GRM8: variants seen among roughly 807,000 people sequenced by gnomAD.
GRM8 encodes the protein metabotropic glutamate receptor 8.
Under a neutral mutation model 87.2 loss-of-function variants are expected in GRM8, and 47 were observed. The observed-to-expected ratio is 0.54, with a 90% CI of 0.43 to 0.69. GRM8 has a LOEUF of 0.69. Ranked by LOEUF, GRM8 falls within the 30% of genes least tolerant of loss-of-function variation. The pLI, the probability that GRM8 is intolerant of heterozygous loss-of-function variation, is 0.00. For missense variants in GRM8, 1,019 were observed against 1,139.2 expected, an observed-to-expected ratio of 0.89 and a Z score of 1.52; for synonymous variants, 396 against 404.5, an observed-to-expected ratio of 0.98 and a Z score of 0.25.
rs1436522152 is a variant in GRM8 at position 126,901,778 on chromosome 7, T to C, written c.1156+764A>G. On this transcript the variant is annotated intron_variant, in intron 6 of 10. Transcript: ENST00000339582. ...GCATTTTTGTTAAAATTGACCCTTA[T>C]ATATGTTGTATGTTTTTGATCCTAC... 5.3e-5 allele frequency among the ~76,000 whole-genome samples: 8 copies of C among 152,340 alleles called. No homozygotes were observed. In the East Asian group the frequency reaches 1.2e-3, roughly 22 times the overall value.
intron 7 of GRM8, among the ~76,000 whole-genome samples, chr7:126,693,428 T>C (rs1023941020): frequency 2.0e-5 from 3 of 152,216 alleles, no homozygotes; most frequent in Admixed American, 6.5e-5. Flanking sequence ...CATTCTTCTT[T>C]CAGTGTTTTG....
At chr7:127,226,530 T>A (rs980758742) in intron 2 of GRM8, among the ~76,000 whole-genome samples, 1 of 152,202 alleles carries the variant, frequency 6.6e-6, no homozygotes, top group Admixed American at 6.5e-5. Context: ...GGAAACAATC[T>A]TCCTTACACC....
At position 126,446,102 on chromosome 7, in the gene GRM8, T is replaced by C. The variant is rs939687144; in HGVS notation, c.2677+24A>G. 1.9e-6 allele frequency: 3 copies of C among 1,612,292 alleles called. No homozygotes were observed. The African/African-American group carries it at 4.0e-5, about 22-fold the overall frequency. ...TAGGAAGTGCTCCCGCTCTTGACCA[T>C]CGGAAACTCTACAGATGACTTACTG... On this transcript the variant is annotated intron_variant, in intron 10 of 10. Coordinates refer to ENST00000339582, the MANE Select transcript of GRM8 (RefSeq NM_000845.3).
intron 6 of GRM8, among the ~76,000 whole-genome samples, chr7:126,777,604 C>T (rs1437075157): frequency 6.6e-6 from 1 of 152,082 alleles, no homozygotes; most frequent in Admixed American, 6.6e-5. Context: ...TGTGTTCATG[C>T]ACTTGTGTTA....
At chr7:127,143,413 C>T (rs1828383262) in intron 2 of GRM8, among the ~76,000 whole-genome samples, 1 of 152,162 alleles carries the variant, frequency 6.6e-6, no homozygotes, top group African/African-American at 2.4e-5. Flanking sequence ...TAAGTATTAA[C>T]TAATATCCAG....
chr7:127,146,205 G>GT (rs1441449092), intron 2 of GRM8, among the ~76,000 whole-genome samples: 4 of 151,968 alleles, frequency 2.6e-5, no homozygotes, highest in Non-Finnish European at 5.9e-5. Flanking sequence ...ATATAGATAG[G>GT]TCTCATAGGG....
At chr7:126,818,162 A>G (rs1793967942) in intron 6 of GRM8, among the ~76,000 whole-genome samples, 1 of 151,976 alleles carries the variant, frequency 6.6e-6, no homozygotes, top group African/African-American at 2.4e-5. Context: ...GAAAACTGTG[A>G]CTCTTTAATA....
intron 7 of GRM8, among the ~76,000 whole-genome samples, chr7:126,704,395 T>A (rs1810265315): frequency 6.6e-6 from 1 of 152,156 alleles, no homozygotes; most frequent in Non-Finnish European, 1.5e-5. Flanking sequence ...CTGTGATGAT[T>A]GTGTTAACTG....
intron 2 of GRM8, among the ~76,000 whole-genome samples, chr7:127,155,802 T>C (rs1197300689): frequency 2.0e-5 from 3 of 152,054 alleles, no homozygotes; most frequent in Non-Finnish European, 4.4e-5. Context: ...AGAAAGACAA[T>C]GAAATCAGTC....
chr7:127,184,861 G>A (rs912703359), intron 2 of GRM8, among the ~76,000 whole-genome samples: 2 of 151,924 alleles, frequency 1.3e-5, no homozygotes, highest in African/African-American at 4.8e-5. Context: ...TATTTGAAAT[G>A]AGAGAAAATA....
chr7:126,875,547 C>G (rs1799460763), intron 6 of GRM8, among the ~76,000 whole-genome samples: 1 of 152,176 alleles, frequency 6.6e-6, no homozygotes, highest in South Asian at 2.1e-4. Context: ...TGTTCCCCAT[C>G]ATGGCTAAAT....
In GRM8 at chr7:127,233,384, T is replaced by C. The variant is rs146756210; in HGVS notation, c.510+9311A>G. On this transcript the variant is annotated intron_variant, in intron 2 of 10. Transcript: ENST00000339582. ...ACATAATATCTATAAGTCGCAAATA[T>C]CTAAGAAATTTACATCAGTATGACA... Among the ~76,000 whole-genome samples the C allele has an allele frequency of 8.5e-3, 1,294 of 152,250 alleles. 10 individuals are homozygous for C. Among genetic ancestry groups the C allele is most frequent in the Non-Finnish European group, 0.013 (915 of 68,020 alleles).
At chr7:127,224,014 T>A (rs1201790148) in intron 2 of GRM8, among the ~76,000 whole-genome samples, 2 of 145,688 alleles carry the variant, frequency 1.4e-5, no homozygotes, top group African/African-American at 5.1e-5. Flanking sequence ...CAATTACCCA[T>A]AAACAATCAA....
At chr7:126,995,387 G>A (rs1563393358) in intron 3 of GRM8, among the ~76,000 whole-genome samples, 1 of 152,232 alleles carries the variant, frequency 6.6e-6, no homozygotes, top group Admixed American at 6.5e-5. Context: ...CAATCCTGGA[G>A]AAACAGAGAT....
At chr7:126,502,741 A>G (rs1207703203) in intron 9 of GRM8, among the ~76,000 whole-genome samples, 3 of 152,074 alleles carry the variant, frequency 2.0e-5, no homozygotes, top group Non-Finnish European at 4.4e-5. Flanking sequence ...TAAAAATTAG[A>G]GGCATAAAAA....
At chr7:126,510,292 G>T (rs1811134902) in intron 9 of GRM8, among the ~76,000 whole-genome samples, 1 of 85,148 alleles carries the variant, frequency 1.2e-5, no homozygotes, top group Admixed American at 1.1e-4. Context: ...ATAGGTTTTA[G>T]CAAAAAAAAA....
chr7:127,220,986 G>A (rs1294515435), intron 2 of GRM8, among the ~76,000 whole-genome samples: 1 of 152,096 alleles, frequency 6.6e-6, no homozygotes, highest in African/African-American at 2.4e-5. Context: ...AGCCCCCAAG[G>A]TAAGGAAGCC....
Position 127,235,830 on chromosome 7 carries a change from T to A in GRM8, c.510+6865A>T, listed in dbSNP as rs146911133. 8.5e-3 allele frequency among the ~76,000 whole-genome samples: 1,289 copies of A among 152,312 alleles called. 10 individuals carry two copies. The highest frequency in any genetic ancestry group is 0.013 in the Non-Finnish European group (911 of 68,018). On this transcript the variant is annotated intron_variant, in intron 2 of 10. Coordinates refer to ENST00000339582, the MANE Select transcript of GRM8 (RefSeq NM_000845.3). Reference sequence around the variant, plus strand: ...CAGGATCAAGAATTACTGCAGTACATCTGTATTAACCAACATGGAAAATTT... The same window carrying A: ...CAGGATCAAGAATTACTGCAGTACAACTGTATTAACCAACATGGAAAATTT...
At chr7:126,756,974 T>C (rs2151561509) in intron 7 of GRM8, among the ~76,000 whole-genome samples, 1 of 152,286 alleles carries the variant, frequency 6.6e-6, no homozygotes, top group Admixed American at 6.5e-5. Flanking sequence ...AAAAAAATTA[T>C]GGGTATTGTA....
Sources: allele counts gnomAD v4.1 joint callset (sites outside exome capture counted in the v4.1 genomes callset), GRCh38; gene constraint gnomAD v4.1.1; transcripts MANE v1.5; gene names NCBI Gene and HGNC (gene_info 2026-07-23, HGNC 2026-07-21).